The following NAP1L4 variants were observed in gnomAD, a reference collection of about 807,000 sequenced individuals.
NAP1L4 encodes nucleosome assembly protein 1-like 4.
Under a neutral mutation model 58.2 loss-of-function variants are expected in NAP1L4, and 15 were observed. The observed-to-expected ratio is 0.26, with a 90% CI of 0.17 to 0.40. The LOEUF is 0.40. Ranked by LOEUF, NAP1L4 falls within the 10% of genes least tolerant of loss-of-function variation. The pLI is 1.00. For missense variants in NAP1L4, 384 were observed against 451.1 expected (o/e 0.85, Z 1.35); for synonymous variants, 171 against 155.6 (o/e 1.10, Z -0.74).
chr11:2,972,876 TGGGAGGA>T, intron 4 of NAP1L4, among the ~76,000 whole-genome samples: 1 of 151,896 alleles, frequency 6.6e-6, no homozygotes, highest in Non-Finnish European at 1.5e-5. Context: ...GAGGCTGAGG[TGGGAGGA>T]TCACTTGAGT....
At position 2,955,335 on chromosome 11, in the gene NAP1L4, T is replaced by TACAG. The variant is rs2133917219; in HGVS notation, c.915+405_915+408dup. On this transcript the variant is annotated intron_variant, in intron 11 of 15. Coordinates refer to ENST00000380542, the MANE Select transcript of NAP1L4 (RefSeq NM_005969.4). The surrounding 1 kb of genome is among the most constrained non-coding windows in gnomAD (Gnocchi z 4.2). ...CTTGAGCCTCCTGAGTAGCTGAGAT[T>TACAG]ACAGGCGCTGCCACCGTGTCCAACT... is the stretch of plus-strand genomic sequence containing the variant. Among the ~76,000 whole-genome samples the TACAG allele has an allele frequency of 6.6e-6, 1 of 152,220 alleles. No individual in the cohort carries two copies. The highest frequency in any genetic ancestry group is 2.1e-4 in the South Asian group (1 of 4,822).
intron 8 of NAP1L4, among the ~76,000 whole-genome samples, chr11:2,961,736 T>C (rs1365445979): frequency 6.6e-6 from 1 of 152,202 alleles, no homozygotes; most frequent in East Asian, 1.9e-4. Context: ...CTCCCTATGT[T>C]GCCCAGGCTG....
intron 1 of NAP1L4, among the ~76,000 whole-genome samples, chr11:2,980,755 A>G (rs1489475840): frequency 1.3e-5 from 2 of 152,206 alleles, no homozygotes; most frequent in Non-Finnish European, 2.9e-5. Flanking sequence ...ATATTTAACA[A>G]AAACAGTTCT....
chr11:2,967,480 G>A (rs935474888), intron 7 of NAP1L4, among the ~76,000 whole-genome samples: 7 of 151,942 alleles, frequency 4.6e-5, no homozygotes, highest in East Asian at 1.9e-4. Flanking sequence ...GCGTGGTGGC[G>A]GATGCCTGTA....
rs190894479 is a variant in NAP1L4, at chr11:2,978,407, G to T, written c.15-65C>A. 34 of 1,452,860 alleles carry T rather than the reference G, an allele frequency of 2.3e-5. No homozygotes were observed. The East Asian group carries it at 6.8e-4, about 29-fold the overall frequency. 90.0% of individuals were successfully genotyped at this position (1,452,860 alleles called of 1,614,324 possible). A position where few individuals can be genotyped will look rare whatever the true frequency, so the allele number is the denominator to read the frequency against. The stretch of plus-strand genomic sequence containing the variant: ...AAGTTCCAAAGACATAGCACAAATG[G>T]ACATGTTTCTTATTCAATATATTAA... On this transcript the variant is annotated intron_variant, in intron 2 of 15. Transcript: ENST00000380542.
intron 1 of NAP1L4, among the ~76,000 whole-genome samples, chr11:2,983,081 T>C (rs928473647): frequency 1.3e-5 from 2 of 152,188 alleles, no homozygotes; most frequent in African/African-American, 4.8e-5. Context: ...AGCAACAGCT[T>C]AGTCAGGGTT....
At chr11:2,975,996 C>G (rs889593304) in intron 4 of NAP1L4, 28 bp downstream of exon 4, 4 of 1,566,172 alleles carry the variant, frequency 2.6e-6, no homozygotes, top group Non-Finnish European at 3.5e-6. Context: ...CTCCAAATTG[C>G]ATGAGACCCT....
In NAP1L4 at chr11:2,971,157, T is replaced by C. The variant is rs528071068; in HGVS notation, c.402+291A>G. Among the ~76,000 whole-genome samples, 4 of 152,354 alleles carry C rather than the reference T, an allele frequency of 2.6e-5. No homozygotes were observed. The East Asian group carries it at 7.7e-4, about 29-fold the overall frequency. ...GTGACTGAGAACACAGGGGCATCTC[T>C]TCTTCATCTTTGCTTTCTCTGATGT... On this transcript the variant is annotated intron_variant, in intron 6 of 15. Transcript: ENST00000380542. This position sits in a 1 kb window ranked among gnomAD's most constrained non-coding sequence, Gnocchi z 4.2.
At position 2,971,215 on chromosome 11, in the gene NAP1L4, A is replaced by G. The variant is rs567825671; in HGVS notation, c.402+233T>C. On this transcript the variant is annotated intron_variant, in intron 6 of 15. Coordinates refer to ENST00000380542, the MANE Select transcript of NAP1L4 (RefSeq NM_005969.4). This position sits in a 1 kb window ranked among gnomAD's most constrained non-coding sequence, Gnocchi z 4.2. ...TTTGTTGGTCTGATCCCTTATTTCA[A>G]TATGCTCCTGTCCACAGATAACTGA... Among the ~76,000 whole-genome samples the G allele has an allele frequency of 2.6e-5, 4 of 152,272 alleles. No individual in the cohort carries two copies. In the East Asian group the frequency reaches 7.7e-4, roughly 29 times the overall value.
rs1375719642 is a variant in NAP1L4, at chr11:2,944,485, T to C, written c.*1194A>G. ...AATATTCTAACTATTCTGTACAAAT[T>C]GAAAACACTGTATTCAGTTACAAAT... On this transcript the variant is annotated 3_prime_UTR_variant, in exon 16 of 16. Coordinates refer to ENST00000380542, the MANE Select transcript of NAP1L4 (RefSeq NM_005969.4). The C allele has an allele frequency of 2.0e-5, 3 of 152,294 alleles. No individual in the cohort carries two copies. Among genetic ancestry groups the C allele is most frequent in the Non-Finnish European group, 4.4e-5 (3 of 68,084 alleles). The allele number at this position is 152,294 out of a possible 1,614,324, so 9.4% of individuals were successfully genotyped here. A position where few individuals can be genotyped will look rare whatever the true frequency, so the allele number is the denominator to read the frequency against.
chr11:2,991,550 A>G lies in NAP1L4; in HGVS notation c.-18+704T>C, dbSNP rs1334416178. Among the ~76,000 whole-genome samples, 9 of 152,254 alleles carry G rather than the reference A, an allele frequency of 5.9e-5. No homozygotes were observed. The East Asian group carries it at 1.4e-3, about 23-fold the overall frequency. ...CCAAGTCCCGTGAGTAACTAGTCTA[A>G]GGCCACTCAGGCCAGTCCTCGGGGA... On this transcript the variant is annotated intron_variant, in intron 1 of 15. Transcript: ENST00000380542.
At chr11:2,988,395 A>G (rs181862577) in intron 1 of NAP1L4, among the ~76,000 whole-genome samples, 33 of 152,286 alleles carry the variant, frequency 2.2e-4, no homozygotes, top group African/African-American at 7.0e-4. Flanking sequence ...CTGTTTTTCA[A>G]AAGCACCTGC....
intron 7 of NAP1L4, among the ~76,000 whole-genome samples, chr11:2,968,155 A>C (rs1030927872): frequency 4.6e-5 from 7 of 152,170 alleles, no homozygotes; most frequent in Non-Finnish European, 8.8e-5. Flanking sequence ...CCGAAGTCTG[A>C]GAAGAACGAA....
At position 2,964,683 on chromosome 11, in the gene NAP1L4, A is replaced by G. The variant is rs569975063; in HGVS notation, c.603T>C (p.Pro201=). ...AGAAGGTCAAGTCAGTACTCACCATAGGCTGTCCAGGGTCAGAAAATTTCA... is the reference window on the plus strand; with the variant it reads ...AGAAGGTCAAGTCAGTACTCACCATGGGCTGTCCAGGGTCAGAAAATTTCA... ...IKVKFSDPGQ[P]MSFVLEFHFE... The change falls in exon 8 of 16, where the codon CCT becomes CCC. Residue 201 remains proline (P), a synonymous_variant. Transcript: ENST00000380542. 5.0e-5 allele frequency: 80 copies of G among 1,613,230 alleles called. 2 individuals carry two copies. The South Asian group carries it at 8.7e-4, about 17-fold the overall frequency.
intron 10 of NAP1L4, among the ~76,000 whole-genome samples, chr11:2,957,730 G>C (rs1296691013): frequency 6.6e-6 from 1 of 151,996 alleles, no homozygotes; most frequent in Non-Finnish European, 1.5e-5. Flanking sequence ...TTACCACTTA[G>C]GAAAATTTAA....
chr11:2,992,325 A>C lies in NAP1L4; in HGVS notation c.-89T>G, dbSNP rs895896396. On this transcript the variant is annotated 5_prime_UTR_variant, in exon 1 of 16. Coordinates refer to ENST00000380542, the MANE Select transcript of NAP1L4 (RefSeq NM_005969.4). ...TGGGGCTGCGCCGCCGTGGCCTCCAACAACGCCGGCTCCCATTGGCCGAGG... is the reference window on the plus strand; with the variant it reads ...TGGGGCTGCGCCGCCGTGGCCTCCACCAACGCCGGCTCCCATTGGCCGAGG... 2.6e-5 allele frequency: 4 copies of C among 152,286 alleles called. No homozygotes were observed. The highest frequency in any genetic ancestry group is 5.9e-5 in the Non-Finnish European group (4 of 68,134). 9.4% of individuals were successfully genotyped at this position (152,286 alleles called of 1,614,324 possible). A position where few individuals can be genotyped will look rare whatever the true frequency, so the allele number is the denominator to read the frequency against.
At chr11:2,970,848 ACC>A (rs78730766) in intron 6 of NAP1L4, among the ~76,000 whole-genome samples, 325 of 141,932 alleles carry the variant, frequency 2.3e-3, no homozygotes, top group African/African-American at 7.2e-3. Context: ...ATCATATACC[ACC>A]CCCCCCCCAA....
intron 3 of NAP1L4, among the ~76,000 whole-genome samples, chr11:2,978,031 A>T (rs1848070730): frequency 1.3e-5 from 2 of 152,224 alleles, no homozygotes; most frequent in Non-Finnish European, 2.9e-5. Flanking sequence ...GTCATTTGTT[A>T]ATCAATACTA....
Position 2,979,937 on chromosome 11 carries a change from G to T in NAP1L4, c.-17-700C>A, listed in dbSNP as rs576541412. Among the ~76,000 whole-genome samples, 56 of 152,138 alleles carry T rather than the reference G, an allele frequency of 3.7e-4. No homozygotes were observed. The Middle Eastern group carries it at 0.01, about 28-fold the overall frequency. ...TTAGAGTAAGTCAAAGCATTTACTGGTGTTTACACTTTCAAATTAACTTAT... is the reference window on the plus strand; with the variant it reads ...TTAGAGTAAGTCAAAGCATTTACTGTTGTTTACACTTTCAAATTAACTTAT... On this transcript the variant is annotated intron_variant, in intron 1 of 15. Coordinates refer to ENST00000380542, the MANE Select transcript of NAP1L4 (RefSeq NM_005969.4).
Sources: allele counts gnomAD v4.1 joint callset (sites outside exome capture counted in the v4.1 genomes callset), GRCh38; gene constraint gnomAD v4.1.1; non-coding constraint Gnocchi (gnomAD v3.1); transcripts MANE v1.5; gene names NCBI Gene and HGNC (gene_info 2026-07-23, HGNC 2026-07-21).